The following ADGRL2 variants were observed in gnomAD, a reference collection of about 807,000 sequenced individuals.
The protein encoded by ADGRL2 is calcium-independent alpha-latrotoxin receptor 2.
Under a neutral mutation model 157.4 loss-of-function variants are expected in ADGRL2, and 44 were observed. That is an observed-to-expected ratio of 0.28 (90% CI 0.22 to 0.36). The LOEUF is 0.36. Among genes scored for constraint, ADGRL2 ranks in the 10% least tolerant of loss-of-function variants. ADGRL2 has a pLI of 1.00. For missense variants in ADGRL2, 1,510 were observed against 1,768.9 expected (o/e 0.85, Z 2.63); for synonymous variants, 585 against 624.7 (o/e 0.94, Z 0.95).
At chr1:81,764,090 G>T (rs1164853009) in intron 2 of ADGRL2, among the ~76,000 whole-genome samples, 1 of 146,624 alleles carries the variant, frequency 6.8e-6, no homozygotes, top group East Asian at 2.0e-4. Flanking sequence ...TACTTAGGAG[G>T]CTGAGGCAGA....
At chr1:81,840,327 A>T (rs562759516) in intron 2 of ADGRL2, among the ~76,000 whole-genome samples, 124 of 152,172 alleles carry the variant, frequency 8.1e-4, no homozygotes, top group African/African-American at 2.2e-3. Context: ...GCCATGGGTT[A>T]TGCCTTTCCT....
chr1:81,806,639 C>T (rs1332175727), intron 1 of ADGRL2, among the ~76,000 whole-genome samples: 2 of 151,886 alleles, frequency 1.3e-5, no homozygotes, highest in Admixed American at 1.3e-4. Context: ...TTTATTTGAC[C>T]TCACTTTTGT....
chr1:81,649,211 G>A (rs565256908), intron 3 of ADGRL2, among the ~76,000 whole-genome samples: 207 of 152,128 alleles, frequency 1.4e-3, no homozygotes, highest in Admixed American at 5.0e-3. Context: ...AAGGTATTCC[G>A]CCTTTCACCT....
intron 2 of ADGRL2, among the ~76,000 whole-genome samples, chr1:81,488,882 T>C (rs2078567173): frequency 6.6e-6 from 1 of 151,824 alleles, no homozygotes. Flanking sequence ...AAAAACTGAA[T>C]TAAGATAAAG....
intron 2 of ADGRL2, among the ~76,000 whole-genome samples, chr1:81,853,126 G>A (rs1477046950): frequency 6.6e-6 from 1 of 151,900 alleles, no homozygotes; most frequent in Non-Finnish European, 1.5e-5. Flanking sequence ...ATAGGAAACT[G>A]TTTCAAATTG....
intron 1 of ADGRL2, among the ~76,000 whole-genome samples, chr1:81,408,587 A>T (rs2076895258): frequency 6.6e-6 from 1 of 152,218 alleles, no homozygotes; most frequent in South Asian, 2.1e-4. Flanking sequence ...AAAAAATAGA[A>T]GGCATAAAAA....
intron 1 of ADGRL2, among the ~76,000 whole-genome samples, chr1:81,730,126 C>T (rs184594251): frequency 3.3e-5 from 5 of 152,112 alleles, no homozygotes; most frequent in African/African-American, 9.6e-5. Context: ...TGGTCCCTAA[C>T]TTCTTTCAGT....
At chr1:81,682,103 A>ATGTGTGTGTGTGTGTGTGTGTG (rs57943530) in intron 3 of ADGRL2, among the ~76,000 whole-genome samples, 13 of 148,036 alleles carry the variant, frequency 8.8e-5, no homozygotes, top group Admixed American at 2.7e-4. Flanking sequence ...ATACATATAT[A>ATGTGTGTGTGTGTGTGTGTGTG]TGTGTGTGTG....
chr1:81,317,929 G>A (rs1428938847), intron 1 of ADGRL2, among the ~76,000 whole-genome samples: 2 of 151,978 alleles, frequency 1.3e-5, no homozygotes, highest in Admixed American at 1.3e-4. Flanking sequence ...GTTTCAATAG[G>A]TATACATTTT....
intron 1 of ADGRL2, among the ~76,000 whole-genome samples, chr1:81,729,374 C>T (rs534070004): frequency 2.6e-5 from 4 of 152,224 alleles, no homozygotes; most frequent in African/African-American, 9.6e-5. Context: ...TTTAACTGAG[C>T]TGCTGTATCT....
intron 17 of ADGRL2, among the ~76,000 whole-genome samples, chr1:81,973,509 GT>G (rs1659351678): frequency 6.6e-6 from 1 of 152,070 alleles, no homozygotes; most frequent in Non-Finnish European, 1.5e-5. Flanking sequence ...TTATACTGTA[GT>G]TTTATTTATT....
In ADGRL2 at chr1:81,800,939, T is replaced by C. The variant is rs1379746088; in HGVS notation, c.-230T>C. Among the ~76,000 whole-genome samples the C allele has an allele frequency of 6.7e-6, 1 of 148,862 alleles. No homozygotes were observed. Among genetic ancestry groups the C allele is most frequent in the African/African-American group, 2.4e-5 (1 of 41,030 alleles). Reference sequence around the variant, plus strand: ...GCCTCCGGGGCGCGTTCCACGGCCGTGCGCGCGCGTCCCTCGCCGCCACCG... The same window carrying C: ...GCCTCCGGGGCGCGTTCCACGGCCGCGCGCGCGCGTCCCTCGCCGCCACCG... On this transcript the variant is annotated 5_prime_UTR_variant, in exon 1 of 24. Coordinates refer to ENST00000686636, the MANE Select transcript of ADGRL2 (RefSeq NM_001366006.2).
intron 3 of ADGRL2, among the ~76,000 whole-genome samples, chr1:81,623,603 T>C (rs1332153094): frequency 1.3e-5 from 2 of 151,668 alleles, no homozygotes; most frequent in Non-Finnish European, 2.9e-5. Flanking sequence ...ACTAGGTCAG[T>C]ATGGGCCCTA....
At chr1:81,502,958 G>C in intron 2 of ADGRL2, 1 of 1,612,812 alleles carries the variant, frequency 6.2e-7, no homozygotes, top group Non-Finnish European at 8.5e-7. Context: ...AAAGGTGATG[G>C]AGCCCCAGTG....
At chr1:81,333,364 C>A (rs760356166) in intron 1 of ADGRL2, among the ~76,000 whole-genome samples, 23 of 152,006 alleles carry the variant, frequency 1.5e-4, no homozygotes, top group South Asian at 6.2e-4. Flanking sequence ...CCTTTAGCTG[C>A]ATTTATGCTG....
intron 3 of ADGRL2, among the ~76,000 whole-genome samples, chr1:81,911,369 C>T (rs2094717834): frequency 6.6e-6 from 1 of 151,964 alleles, no homozygotes; most frequent in Admixed American, 6.6e-5. Flanking sequence ...AATTCATTAA[C>T]AAACCAAAAA....
chr1:81,651,587 G>C lies in ADGRL2; in HGVS notation c.-143+70607G>C, dbSNP rs764521385. ...TGCCAAAACAATGCTATTTTTCTCA[G>C]TAATTGTAGGGTTTCACCACTCTTA... On this transcript the variant is annotated intron_variant, in intron 3 of 24. Coordinates refer to the ADGRL2 transcript ENST00000370721. 8.1e-4 allele frequency among the ~76,000 whole-genome samples: 123 copies of C among 152,204 alleles called. 1 individual carries two copies. The highest frequency in any genetic ancestry group is 3.2e-4 in the Non-Finnish European group (22 of 68,032).
At chr1:81,877,040 C>T (rs1293837355) in intron 2 of ADGRL2, among the ~76,000 whole-genome samples, 2 of 152,108 alleles carry the variant, frequency 1.3e-5, no homozygotes, top group Non-Finnish European at 2.9e-5. Flanking sequence ...CAATATTGAG[C>T]CTTAACTCCT....
chr1:81,556,614 C>CAAA (rs77400301), intron 2 of ADGRL2, among the ~76,000 whole-genome samples: 3 of 144,002 alleles, frequency 2.1e-5, no homozygotes, highest in African/African-American at 7.6e-5. Flanking sequence ...TGCTAAAGAC[C>CAAA]AAAAAAAAAA....
Sources: allele counts gnomAD v4.1 joint callset (sites outside exome capture counted in the v4.1 genomes callset), GRCh38; gene constraint gnomAD v4.1.1; transcripts MANE v1.5; gene names NCBI Gene and HGNC (gene_info 2026-07-23, HGNC 2026-07-21).